SLC25A21: variants seen among roughly 807,000 people sequenced by gnomAD.
The protein encoded by SLC25A21 is mitochondrial 2-oxodicarboxylate carrier.
Under a neutral mutation model 43.8 loss-of-function variants are expected in SLC25A21, and 47 were observed. The observed-to-expected ratio is 1.07, with a 90% CI of 0.85 to 1.37. The LOEUF (loss-of-function observed/expected upper bound fraction) is 1.37. Among genes scored for constraint, SLC25A21 ranks in the 40% most tolerant of loss-of-function variants. The pLI, the probability that SLC25A21 is intolerant of heterozygous loss-of-function variation, is 0.00. For missense variants in SLC25A21, 352 were observed against 350.2 expected (o/e 1.00, Z -0.04); for synonymous variants, 131 against 121.3 (o/e 1.08, Z -0.52).
chr14:36,792,449 T>C (rs1887519891), intron 3 of SLC25A21, among the ~76,000 whole-genome samples: 1 of 152,116 alleles, frequency 6.6e-6, no homozygotes, highest in Non-Finnish European at 1.5e-5. Context: ...CAGGGGTAAC[T>C]GAAAACCCAC....
intron 1 of SLC25A21, among the ~76,000 whole-genome samples, chr14:37,026,503 G>T (rs1196104092): frequency 6.6e-6 from 1 of 152,104 alleles, no homozygotes. Flanking sequence ...AATAAACAAT[G>T]AGATTAGATC....
chr14:36,704,776 C>A (rs1294372476), intron 7 of SLC25A21, among the ~76,000 whole-genome samples: 1 of 152,092 alleles, frequency 6.6e-6, no homozygotes, highest in Non-Finnish European at 1.5e-5. Context: ...TCTTTCCCCA[C>A]CCCTGTCATA....
chr14:36,880,724 A>G (rs1890693547), intron 1 of SLC25A21, among the ~76,000 whole-genome samples: 1 of 152,246 alleles, frequency 6.6e-6, no homozygotes, highest in African/African-American at 2.4e-5. Flanking sequence ...AAATAAGCAG[A>G]TAAGGACAGA....
chr14:36,717,298 G>T lies in SLC25A21; in HGVS notation c.439-5816C>A, dbSNP rs556280210. Among the ~76,000 whole-genome samples, 50 of 152,300 alleles carry T rather than the reference G, an allele frequency of 3.3e-4. No homozygotes were observed. The South Asian group carries it at 0.01, about 31-fold the overall frequency. On this transcript the variant is annotated intron_variant, in intron 6 of 9. Transcript: ENST00000331299. ...CCACATTTATAGTTCTTTTAGCTTA[G>T]ATATTTCACAAATTCATCATTACAG... is the stretch of plus-strand genomic sequence containing the variant.
intron 1 of SLC25A21, among the ~76,000 whole-genome samples, chr14:36,883,148 A>G (rs1890791803): frequency 6.6e-6 from 1 of 152,028 alleles, no homozygotes; most frequent in Non-Finnish European, 1.5e-5. Flanking sequence ...TCTGGTCAAC[A>G]ATGGCTCCCC....
chr14:36,785,473 A>C (rs1260702398), intron 3 of SLC25A21, among the ~76,000 whole-genome samples: 1 of 152,172 alleles, frequency 6.6e-6, no homozygotes, highest in Non-Finnish European at 1.5e-5. Context: ...TCTCTCATCT[A>C]CCCTGGAGGG....
intron 7 of SLC25A21, among the ~76,000 whole-genome samples, chr14:36,701,768 T>C (rs528605549): frequency 5.9e-5 from 9 of 152,230 alleles, no homozygotes; most frequent in Admixed American, 2.0e-4. Context: ...TACAGGAAAG[T>C]ATTTATATAT....
chr14:36,755,321 C>A (rs898177597), intron 3 of SLC25A21, among the ~76,000 whole-genome samples: 3 of 152,236 alleles, frequency 2.0e-5, no homozygotes, highest in African/African-American at 7.2e-5. Context: ...AAAACCACCA[C>A]TGTATTCAGA....
At chr14:36,956,779 T>C (rs1270079855) in intron 1 of SLC25A21, among the ~76,000 whole-genome samples, 3 of 152,216 alleles carry the variant, frequency 2.0e-5, no homozygotes, top group African/African-American at 7.2e-5. Context: ...AATTTGATTT[T>C]ATGAAATGTT....
intron 1 of SLC25A21, among the ~76,000 whole-genome samples, chr14:36,926,608 T>C (rs1306693069): frequency 6.6e-6 from 1 of 152,122 alleles, no homozygotes; most frequent in Non-Finnish European, 1.5e-5. Flanking sequence ...GTGATGAAAC[T>C]CACTAAAATT....
Position 37,172,579 on chromosome 14 carries a change from C to G in SLC25A21, c.-229G>C. The G allele has an allele frequency of 1.4e-6, 1 of 698,330 alleles. No individual in the cohort carries two copies. The highest frequency in any genetic ancestry group is 2.7e-5 in the East Asian group (1 of 36,856). The allele number at this position is 698,330 out of a possible 1,614,324, so 43.3% of individuals were successfully genotyped here. On this transcript the variant is annotated 5_prime_UTR_variant, in exon 1 of 10. Transcript: ENST00000331299. Reference sequence around the variant, plus strand: ...CGCAGCGCTCTCGCAGAGGCGCCCTCGGCTCCGAAAATGTCTCTGGAAAGA... The same window carrying G: ...CGCAGCGCTCTCGCAGAGGCGCCCTGGGCTCCGAAAATGTCTCTGGAAAGA...
At chr14:37,136,709 A>T (rs1963486114) in intron 1 of SLC25A21, among the ~76,000 whole-genome samples, 1 of 128,012 alleles carries the variant, frequency 7.8e-6, no homozygotes, top group African/African-American at 2.5e-5. Context: ...ATACATGGGA[A>T]TATTATTCAG....
chr14:36,870,883 T>C (rs1198953092), intron 2 of SLC25A21: 1 of 152,146 alleles, frequency 6.6e-6, no homozygotes, highest in Non-Finnish European at 1.5e-5. Context: ...TGTCCCTTCC[T>C]TCAGGCCAGC....
Position 36,679,983 on chromosome 14 carries a change from A to G in SLC25A21, c.*675T>C, listed in dbSNP as rs1882138417. ...GTGTTTTAACATTCTGTTTTAAACAATGTTTTAAAATACCTATTTATTATC... is the reference window on the plus strand; with the variant it reads ...GTGTTTTAACATTCTGTTTTAAACAGTGTTTTAAAATACCTATTTATTATC... On this transcript the variant is annotated 3_prime_UTR_variant, in exon 10 of 10. Transcript: ENST00000331299. 2 of 849,818 alleles carry G rather than the reference A, an allele frequency of 2.4e-6. No individual in the cohort carries two copies. The highest frequency in any genetic ancestry group is 4.1e-5 in the African/African-American group (2 of 48,378). 52.6% of individuals were successfully genotyped at this position (849,818 alleles called of 1,614,324 possible).
chr14:36,691,632 T>C (rs759419031), intron 7 of SLC25A21, among the ~76,000 whole-genome samples: 1 of 152,220 alleles, frequency 6.6e-6, no homozygotes, highest in Non-Finnish European at 1.5e-5. Flanking sequence ...GGCGGGAGGA[T>C]AGCTTGAAGC....
chr14:36,912,581 A>G (rs1348009415), intron 1 of SLC25A21, among the ~76,000 whole-genome samples: 5 of 152,234 alleles, frequency 3.3e-5, no homozygotes, highest in African/African-American at 4.8e-5. Flanking sequence ...CCTAGTCTCA[A>G]TGTCAACTGA....
intron 1 of SLC25A21, among the ~76,000 whole-genome samples, chr14:36,998,092 G>A (rs1960411345): frequency 1.3e-5 from 2 of 152,094 alleles, no homozygotes; most frequent in African/African-American, 4.8e-5. Context: ...GCAATCCCTG[G>A]AACACTAGTT....
chr14:37,033,910 G>C (rs1312043273), intron 1 of SLC25A21, among the ~76,000 whole-genome samples: 2 of 152,122 alleles, frequency 1.3e-5, no homozygotes, highest in African/African-American at 4.8e-5. Flanking sequence ...TAATGGATTT[G>C]ATAAACCATT....
chr14:37,152,859 T>A (rs1026655389), intron 1 of SLC25A21, among the ~76,000 whole-genome samples: 1 of 152,044 alleles, frequency 6.6e-6, no homozygotes, highest in South Asian at 2.1e-4. Flanking sequence ...GATGGTTGAG[T>A]AGGATTTTCT....
Sources: allele counts gnomAD v4.1 joint callset (sites outside exome capture counted in the v4.1 genomes callset), GRCh38; gene constraint gnomAD v4.1.1; transcripts MANE v1.5; gene names NCBI Gene and HGNC (gene_info 2026-07-23, HGNC 2026-07-21).